Variants in TAFA1 observed in about 807,000 individuals in gnomAD.
TAFA1 encodes chemokine-like protein TAFA-1.
In TAFA1, 4 loss-of-function variants were observed where a neutral mutation model predicts 18.5. The ratio of observed to expected loss-of-function variants is 0.22; its 90% CI spans 0.11 to 0.49. The LOEUF (loss-of-function observed/expected upper bound fraction) is 0.49. Ranked by LOEUF, TAFA1 falls within the 20% of genes least tolerant of loss-of-function variation. The pLI, the probability that TAFA1 is intolerant of heterozygous loss-of-function variation, is 0.98. For missense variants in TAFA1, 147 were observed against 169.0 expected, an observed-to-expected ratio of 0.87 and a Z score of 0.72; for synonymous variants, 56 against 55.2, an observed-to-expected ratio of 1.01 and a Z score of -0.06.
chr3:68,338,756 CTG>C (rs1256021493), intron 2 of TAFA1, among the ~76,000 whole-genome samples: 3 of 152,202 alleles, frequency 2.0e-5, no homozygotes, highest in Non-Finnish European at 4.4e-5. Flanking sequence ...CATCTGGTAA[CTG>C]TATTAATCAG....
At chr3:68,327,829 C>T (rs2068801289) in intron 2 of TAFA1, among the ~76,000 whole-genome samples, 1 of 152,148 alleles carries the variant, frequency 6.6e-6, no homozygotes. Context: ...TAAAGCATGA[C>T]ATAGAGCTGC....
At position 68,545,408 on chromosome 3, in the gene TAFA1, G is replaced by T. The variant is rs1266065129; in HGVS notation, c.*905G>T. On this transcript the variant is annotated 3_prime_UTR_variant, in exon 5 of 5. Coordinates refer to ENST00000478136, the MANE Select transcript of TAFA1 (RefSeq NM_213609.4). ...GTCCTAGACTGCAGAAATGTCCTCTGATTAAATCCAAAGTCTGGCATCGTT... is the reference window on the plus strand; with the variant it reads ...GTCCTAGACTGCAGAAATGTCCTCTTATTAAATCCAAAGTCTGGCATCGTT... 3 of 152,662 alleles carry T rather than the reference G, an allele frequency of 2.0e-5. No individual in the cohort carries two copies. Among genetic ancestry groups the T allele is most frequent in the East Asian group, 3.9e-4 (2 of 5,180 alleles). 9.5% of individuals were successfully genotyped at this position (152,662 alleles called of 1,614,324 possible).
At chr3:68,332,155 G>A (rs973355525) in intron 2 of TAFA1, among the ~76,000 whole-genome samples, 15 of 151,654 alleles carry the variant, frequency 9.9e-5, no homozygotes, top group African/African-American at 3.4e-4. Context: ...GAGCCACCGC[G>A]CCCGGCCAAG....
chr3:68,081,229 A>T (rs1369748432), intron 2 of TAFA1, among the ~76,000 whole-genome samples: 3 of 152,034 alleles, frequency 2.0e-5, no homozygotes, highest in African/African-American at 7.2e-5. Context: ...TTTTTTTCGA[A>T]GTTTTCAACT....
chr3:68,485,897 T>G (rs916824925), intron 3 of TAFA1, among the ~76,000 whole-genome samples: 9 of 152,112 alleles, frequency 5.9e-5, no homozygotes, highest in Admixed American at 4.6e-4. Context: ...TGTAATTCAC[T>G]GAAGGTCAGT....
chr3:68,217,033 T>C (rs1384595051), intron 2 of TAFA1, among the ~76,000 whole-genome samples: 1 of 152,052 alleles, frequency 6.6e-6, no homozygotes, highest in Non-Finnish European at 1.5e-5. Flanking sequence ...GCCCTTTAAG[T>C]ATGAATTCTG....
chr3:68,379,540 T>C (rs868271415), intron 2 of TAFA1, among the ~76,000 whole-genome samples: 5 of 152,186 alleles, frequency 3.3e-5, no homozygotes, highest in Admixed American at 2.0e-4. Context: ...GTAATTGCTT[T>C]TGGCATCTAC....
At chr3:68,211,983 T>C (rs2066603049) in intron 2 of TAFA1, among the ~76,000 whole-genome samples, 1 of 151,960 alleles carries the variant, frequency 6.6e-6, no homozygotes. Flanking sequence ...ATCCAAACTA[T>C]ATAGCAAACT....
rs1374837 is a variant in TAFA1, at chr3:68,016,057, C to A, written c.118+9313C>A. Among the ~76,000 whole-genome samples the A allele has an allele frequency of 4.3e-4, 65 of 152,134 alleles. 1 individual carries two copies. Among genetic ancestry groups the A allele is most frequent in the Admixed American group, 2.5e-3 (38 of 15,286 alleles). On this transcript the variant is annotated intron_variant, in intron 2 of 4. Coordinates refer to ENST00000478136, the MANE Select transcript of TAFA1 (RefSeq NM_213609.4). The stretch of plus-strand genomic sequence containing the variant: ...TTAGTGATTTTCAATTGCTGTGGTC[C>A]TTGTTTTTTAATTATAAATTAGTAG...
chr3:68,278,445 TC>T (rs768695048), intron 2 of TAFA1, among the ~76,000 whole-genome samples: 41 of 152,140 alleles, frequency 2.7e-4, no homozygotes, highest in Non-Finnish European at 5.0e-4. Flanking sequence ...TTTGCTACCA[TC>T]CCTTTTTTAT....
chr3:68,109,136 G>A (rs949958385), intron 2 of TAFA1, among the ~76,000 whole-genome samples: 2 of 151,984 alleles, frequency 1.3e-5, no homozygotes, highest in African/African-American at 2.4e-5. Flanking sequence ...GCTTGCTTCT[G>A]TGACAGTCCC....
chr3:68,044,190 C>G (rs1299094417), intron 2 of TAFA1, among the ~76,000 whole-genome samples: 1 of 152,180 alleles, frequency 6.6e-6, no homozygotes, highest in East Asian at 1.9e-4. Context: ...AGTTCAGACT[C>G]TTAAAGGATT....
At chr3:68,133,914 G>A (rs1198423653) in intron 2 of TAFA1, among the ~76,000 whole-genome samples, 1 of 151,970 alleles carries the variant, frequency 6.6e-6, no homozygotes, top group Admixed American at 6.6e-5. Context: ...ACAATTAATT[G>A]GACAGAGAGT....
chr3:68,502,360 G>A (rs958983540), intron 3 of TAFA1, among the ~76,000 whole-genome samples: 1 of 151,762 alleles, frequency 6.6e-6, no homozygotes, highest in African/African-American at 2.4e-5. Flanking sequence ...GAAAAAAAAA[G>A]ACTTTCACCA....
chr3:68,302,676 A>G (rs1409484700), intron 2 of TAFA1, among the ~76,000 whole-genome samples: 3 of 151,964 alleles, frequency 2.0e-5, no homozygotes, highest in Non-Finnish European at 4.4e-5. Context: ...CTAACTAAAT[A>G]CCTCTGGATG....
At chr3:68,186,439 C>G (rs965592342) in intron 2 of TAFA1, among the ~76,000 whole-genome samples, 1 of 152,060 alleles carries the variant, frequency 6.6e-6, no homozygotes, top group African/African-American at 2.4e-5. Flanking sequence ...CAACCCCTCT[C>G]TCATTGTAAT....
rs929362799 is a variant in TAFA1 at position 68,139,312 on chromosome 3, G to T, written c.118+132568G>T. On this transcript the variant is annotated intron_variant, in intron 2 of 4. Transcript: ENST00000478136. ...CACTGGAAGTTAGAGTTGGGAATAG[G>T]TTCCGTAGAGTGAACACTGTTTCAA... Among the ~76,000 whole-genome samples the T allele has an allele frequency of 2.0e-5, 3 of 152,158 alleles. No homozygotes were observed. In the South Asian group the frequency reaches 6.2e-4, roughly 31 times the overall value.
intron 3 of TAFA1, among the ~76,000 whole-genome samples, chr3:68,472,979 G>C (rs891913820): frequency 6.6e-6 from 1 of 152,160 alleles, no homozygotes; most frequent in African/African-American, 2.4e-5. Context: ...GGCTAAGGTG[G>C]GAGGAGTGAG....
intron 2 of TAFA1, among the ~76,000 whole-genome samples, chr3:68,040,585 G>T (rs1279976972): frequency 6.6e-6 from 1 of 152,186 alleles, no homozygotes; most frequent in Non-Finnish European, 1.5e-5. Context: ...TTTCGAGAAG[G>T]TTGTTAAGGT....
Sources: gnomAD v4.1 joint callset for allele counts (sites outside exome capture counted in the v4.1 genomes callset) on GRCh38, gnomAD v4.1.1 for gene constraint, MANE v1.5 for transcripts, NCBI Gene and HGNC (gene_info 2026-07-23, HGNC 2026-07-21) for gene names.